The following FBXW10B variants were observed in gnomAD, a reference collection of about 807,000 sequenced individuals.
FBXW10B encodes the protein F-box and WD repeat domain containing protein 10B.
the FBXW10B span, among the ~76,000 whole-genome samples, chr17:15,601,490 AG>A: frequency 3.3e-5 from 5 of 152,192 alleles, 1 homozygote; most frequent in East Asian, 9.6e-4. Flanking sequence ...GAGTTTGGCA[AG>A]GATGCCAGAC....
At chr17:15,617,104 T>C in the FBXW10B span, among the ~76,000 whole-genome samples, 22 of 152,194 alleles carry the variant, frequency 1.4e-4, 1 homozygote, top group African/African-American at 5.3e-4. Flanking sequence ...ATTAAGGATA[T>C]TAAGTCGGTT....
chr17:15,596,556 C>G, the FBXW10B span: 2 of 1,610,984 alleles, frequency 1.2e-6, no homozygotes, highest in East Asian at 2.2e-5. Context: ...CTTTCACCAG[C>G]CCTCGCTCAC....
chr17:15,585,287 G>A, the FBXW10B span, among the ~76,000 whole-genome samples: 7 of 152,128 alleles, frequency 4.6e-5, no homozygotes, highest in Admixed American at 2.6e-4. Context: ...GTCATATGAC[G>A]TATGAGGGAA....
the FBXW10B span, among the ~76,000 whole-genome samples, chr17:15,618,157 G>A: frequency 5.4e-4 from 82 of 152,120 alleles, no homozygotes; most frequent in African/African-American, 1.8e-3. Context: ...GTGAAACCCC[G>A]TCTCTACCAA....
At chr17:15,593,478 G>A in the FBXW10B span, 52 of 1,614,044 alleles carry the variant, frequency 3.2e-5, no homozygotes, top group Middle Eastern at 3.3e-4. Flanking sequence ...GAAGAGAAGG[G>A]ACACGTCGAG....
the FBXW10B span, among the ~76,000 whole-genome samples, chr17:15,611,846 C>A: frequency 1.3e-5 from 2 of 152,124 alleles, no homozygotes; most frequent in African/African-American, 2.4e-5. Context: ...AAGAGTCTTC[C>A]GGTCACTCTT....
chr17:15,602,897 G>T, the FBXW10B span, among the ~76,000 whole-genome samples: 1 of 122,288 alleles, frequency 8.2e-6, no homozygotes, highest in African/African-American at 4.0e-5. Flanking sequence ...AAAGTGCTGG[G>T]ATTACAGGCG....
At chr17:15,585,333 A>G in the FBXW10B span, among the ~76,000 whole-genome samples, 2 of 152,206 alleles carry the variant, frequency 1.3e-5, no homozygotes, top group Non-Finnish European at 2.9e-5. Context: ...GAATTAAAAG[A>G]TAAAATTTTT....
At chr17:15,617,384 C>T in the FBXW10B span, among the ~76,000 whole-genome samples, 1 of 152,160 alleles carries the variant, frequency 6.6e-6, no homozygotes, top group Non-Finnish European at 1.5e-5. Context: ...CCCCTCCCAG[C>T]TTTCTCCCAC....
the FBXW10B span, among the ~76,000 whole-genome samples, chr17:15,592,628 C>G: frequency 6.6e-6 from 1 of 151,970 alleles, no homozygotes; most frequent in East Asian, 1.9e-4. Context: ...TGCTGCCACC[C>G]CCCACTCTCC....
At chr17:15,597,537 G>A in the FBXW10B span, among the ~76,000 whole-genome samples, 60 of 152,014 alleles carry the variant, frequency 3.9e-4, no homozygotes, top group Non-Finnish European at 6.8e-4. Flanking sequence ...GGAGGCTGAG[G>A]CAGGAGAATC....
At chr17:15,592,424 T>C in the FBXW10B span, among the ~76,000 whole-genome samples, 1 of 151,368 alleles carries the variant, frequency 6.6e-6, no homozygotes, top group Non-Finnish European at 1.5e-5. Flanking sequence ...GAAGGCAATA[T>C]GGTTTAGGGA....
chr17:15,607,638 G>C, the FBXW10B span: 1 of 1,613,796 alleles, frequency 6.2e-7, no homozygotes, highest in African/African-American at 1.3e-5. Context: ...ATCAGGACCT[G>C]CTGCGTTTCC....
chr17:15,617,032 C>T, the FBXW10B span, among the ~76,000 whole-genome samples: 379 of 152,134 alleles, frequency 2.5e-3, 4 homozygotes, highest in African/African-American at 8.6e-3. Context: ...TTTCAGCCCA[C>T]GTGGTGGGTG....
At chr17:15,596,024 G>A in the FBXW10B span, among the ~76,000 whole-genome samples, 19 of 150,052 alleles carry the variant, frequency 1.3e-4, no homozygotes, top group Non-Finnish European at 2.5e-4. Flanking sequence ...GGTTACAAGC[G>A]CCCACCACCA....
At chr17:15,614,364 AT>A in the FBXW10B span, among the ~76,000 whole-genome samples, 93 of 144,784 alleles carry the variant, frequency 6.4e-4, no homozygotes, top group Non-Finnish European at 6.1e-4. Context: ...AATTTTTTGT[AT>A]TTTTTTTTTT....
chr17:15,613,046 T>C, the FBXW10B span, among the ~76,000 whole-genome samples: 1 of 151,984 alleles, frequency 6.6e-6, no homozygotes. Context: ...CCAGCAAAGA[T>C]GGTCAGACTG....
At chr17:15,598,841 C>T in the FBXW10B span, 75 of 1,205,694 alleles carry the variant, frequency 6.2e-5, no homozygotes, top group Non-Finnish European at 8.4e-5. Context: ...AAGTTAATTT[C>T]TGTGTAAGTT....
At chr17:15,583,910 A>G in the FBXW10B span, among the ~76,000 whole-genome samples, 2 of 151,958 alleles carry the variant, frequency 1.3e-5, no homozygotes, top group East Asian at 3.9e-4. Flanking sequence ...GGCAAATTTT[A>G]TTTTTTGTTT....
Sources: allele counts gnomAD v4.1 joint callset (sites outside exome capture counted in the v4.1 genomes callset), GRCh38; gene constraint gnomAD v4.1.1; transcripts MANE v1.5; gene names NCBI Gene and HGNC (gene_info 2026-07-23, HGNC 2026-07-21).